The following KIAA0586 variants were observed in gnomAD, a reference collection of about 807,000 sequenced individuals.
The protein encoded by KIAA0586 is protein TALPID3.
KIAA0586 carries 144 observed loss-of-function variants against 169.8 expected under a neutral mutation model. The ratio of observed to expected loss-of-function variants is 0.85; its 90% CI spans 0.74 to 0.97. The LOEUF (loss-of-function observed/expected upper bound fraction) is 0.97, where lower values mean the gene tolerates loss of function less well. Ranked by LOEUF, KIAA0586 falls within the 50% of genes least tolerant of loss-of-function variation. KIAA0586 has a pLI of 0.00. For missense variants in KIAA0586, 1,854 were observed against 1,823.0 expected, an observed-to-expected ratio of 1.02 and a Z score of -0.31; for synonymous variants, 625 against 612.4, an observed-to-expected ratio of 1.02 and a Z score of -0.30.
chr14:58,528,735 G>T (rs995970206), intron 29 of KIAA0586, among the ~76,000 whole-genome samples: 18 of 152,144 alleles, frequency 1.2e-4, no homozygotes, highest in Non-Finnish European at 2.5e-4. Flanking sequence ...AACACTAAAT[G>T]CCCGCAGGAG....
At chr14:58,511,066 C>T (rs2044350886) in intron 28 of KIAA0586, among the ~76,000 whole-genome samples, 1 of 152,088 alleles carries the variant, frequency 6.6e-6, no homozygotes, top group African/African-American at 2.4e-5. Context: ...GTGATGGTTT[C>T]ATGGGTTTAT....
intron 11 of KIAA0586, 92 bp from the exon 12 acceptor site, chr14:58,458,381 A>G: frequency 2.9e-6 from 2 of 678,478 alleles, no homozygotes; most frequent in Non-Finnish European, 5.1e-6. Context: ...TTAGGATAGC[A>G]GGTTCACAAC....
At position 58,442,897 on chromosome 14, in the gene KIAA0586, A is replaced by G. The variant is rs1209739335; in HGVS notation, c.585+17A>G. ...TTGATAAAGGTATATTTTTCTTCCC[A>G]GATAATCATAACTACTTTGTGAAAT... On this transcript the variant is annotated intron_variant, in intron 5 of 30. Transcript: ENST00000652326. 1.3e-6 allele frequency: 2 copies of G among 1,574,100 alleles called. No individual in the cohort carries two copies. The highest frequency in any genetic ancestry group is 2.3e-5 in the East Asian group (1 of 44,208).
At chr14:58,547,681 C>CGCG in intron 30 of KIAA0586, 100 bp from the exon 31 acceptor site, 1 of 990,206 alleles carries the variant, frequency 1.0e-6, no homozygotes, top group Non-Finnish European at 1.5e-6. Flanking sequence ...ATTTGGAATC[C>CGCG]GCGCCCCCCC....
At chr14:58,469,291 A>G (rs1280121285) in intron 16 of KIAA0586, among the ~76,000 whole-genome samples, 1 of 152,210 alleles carries the variant, frequency 6.6e-6, no homozygotes, top group East Asian at 1.9e-4. Context: ...CCTGTGCTTG[A>G]TAGGAGCAAA....
At chr14:58,461,740 A>G (rs1411194699) in intron 14 of KIAA0586, among the ~76,000 whole-genome samples, 4 of 152,262 alleles carry the variant, frequency 2.6e-5, no homozygotes. Context: ...CAGAAAGATC[A>G]GCCATTTGCT....
intron 15 of KIAA0586, among the ~76,000 whole-genome samples, chr14:58,467,435 G>A (rs189377875): frequency 3.3e-5 from 5 of 152,312 alleles, no homozygotes; most frequent in Admixed American, 3.3e-4. Context: ...AGTCAAGTGG[G>A]ACTTTGGAAG....
intron 4 of KIAA0586, chr14:58,441,375 A>G (rs2038356231): frequency 2.5e-6 from 1 of 398,322 alleles, no homozygotes; most frequent in Non-Finnish European, 5.1e-6. Context: ...TAATTTTTGT[A>G]TTTTTTGTAG....
In KIAA0586 at chr14:58,474,634, G is replaced by C; in HGVS notation, c.2662G>C (p.Asp888His). The C allele has an allele frequency of 6.3e-7, 1 of 1,586,884 alleles. No individual in the cohort carries two copies. The highest frequency in any genetic ancestry group is 8.5e-7 in the Non-Finnish European group (1 of 1,172,060). ...AGAAGAAAAATGTGATGAAATTCCA[G>C]ACTCTGAACCAATTCTGGAGTTTAA... The part of the protein sequence containing the change: ...QEEEKCDEIP[D>H]SEPILEFNRS... Residue 888 changes from aspartate to histidine, a missense_variant, in exon 19 of 31, where the codon GAC becomes CAC. Transcript: ENST00000652326.
chr14:58,446,275 C>T (rs1252656010), intron 6 of KIAA0586, among the ~76,000 whole-genome samples: 1 of 151,838 alleles, frequency 6.6e-6, no homozygotes, highest in Non-Finnish European at 1.5e-5. Context: ...GTGGGTGGAT[C>T]ACTTGAGGTC....
intron 23 of KIAA0586, 137 bp downstream of exon 23, chr14:58,488,246 A>G (rs535305288): frequency 3.6e-5 from 27 of 749,176 alleles, no homozygotes; most frequent in Middle Eastern, 3.8e-4. Flanking sequence ...AAGAACTTTC[A>G]TAAGTGTTGA....
rs2039908957 is a variant in KIAA0586, at chr14:58,456,899, A to C, written c.1362+89A>C. On this transcript the variant is annotated intron_variant, in intron 10 of 30. Transcript: ENST00000652326. ...AGTTATAAAGATAGAAATTAGGAGG[A>C]AGGATGAAGAAAAAGCACTGAAAAA... 4 of 736,016 alleles carry C rather than the reference A, an allele frequency of 5.4e-6. No individual in the cohort carries two copies. In the East Asian group the frequency reaches 1.1e-4, roughly 20 times the overall value. The allele number at this position is 736,016 out of a possible 1,614,324, so 45.6% of individuals were successfully genotyped here.
downstream of KIAA0586, among the ~76,000 whole-genome samples, chr14:58,555,099 C>CT (rs35845234): frequency 0.43 from 44,052 of 102,582 alleles, 9,318 homozygotes; most frequent in South Asian, 0.51. Flanking sequence ...TTCTTTCTTT[C>CT]TTTTTTTTTT....
At chr14:58,505,023 A>G (rs2043834491) in intron 27 of KIAA0586, among the ~76,000 whole-genome samples, 1 of 152,160 alleles carries the variant, frequency 6.6e-6, no homozygotes, top group African/African-American at 2.4e-5. Context: ...GAAAGCTATT[A>G]CGCACTTTTT....
chr14:58,539,557 A>G (rs1223148194), intron 29 of KIAA0586, among the ~76,000 whole-genome samples: 2 of 151,990 alleles, frequency 1.3e-5, no homozygotes, highest in African/African-American at 2.4e-5. Flanking sequence ...TCCTCAGCCT[A>G]TTTTATCTCA....
At chr14:58,532,311 T>C (rs1406375828) in intron 29 of KIAA0586, among the ~76,000 whole-genome samples, 1 of 152,214 alleles carries the variant, frequency 6.6e-6, no homozygotes, top group East Asian at 1.9e-4. Flanking sequence ...TCACTTCTGT[T>C]TCTCTGGCTT....
At chr14:58,474,847 A>C in intron 19 of KIAA0586, 50 bp downstream of exon 19, 2 of 1,277,246 alleles carry the variant, frequency 1.6e-6, no homozygotes, top group Non-Finnish European at 2.2e-6. Flanking sequence ...AGAAAATATA[A>C]ATGGAAAGTA....
At chr14:58,429,495 T>C in intron 2 of KIAA0586, 62 bp downstream of exon 2, 1 of 908,494 alleles carries the variant, frequency 1.1e-6, no homozygotes, top group South Asian at 1.3e-5. Context: ...AAATAATGCA[T>C]TCTTAAATTA....
At chr14:58,541,380 T>C (rs1034938068) in intron 30 of KIAA0586, among the ~76,000 whole-genome samples, 1 of 152,244 alleles carries the variant, frequency 6.6e-6, no homozygotes, top group African/African-American at 2.4e-5. Flanking sequence ...ACTTACTGTG[T>C]ACCTGCTATC....
Sources: gnomAD v4.1 joint callset for allele counts (sites outside exome capture counted in the v4.1 genomes callset) on GRCh38, gnomAD v4.1.1 for gene constraint, MANE v1.5 for transcripts, NCBI Gene and HGNC (gene_info 2026-07-23, HGNC 2026-07-21) for gene names.